The following GRIA3 variants were observed in gnomAD, a reference collection of about 807,000 sequenced individuals.
GRIA3 encodes the protein glutamate receptor 3.
A neutral mutation model predicts 63.0 loss-of-function variants in GRIA3; 3 were observed. The observed-to-expected ratio is 0.05, with a 90% CI of 0.02 to 0.12. The LOEUF is 0.12. GRIA3 is among the 10% of genes least tolerant of loss of function. The pLI, the probability that GRIA3 is intolerant of heterozygous loss-of-function variation, is 1.00. For missense variants in GRIA3, 347 were observed against 700.9 expected (o/e 0.50, Z 5.70); for synonymous variants, 274 against 257.9 (o/e 1.06, Z -0.60).
chrX:123,220,377 C>T lies in GRIA3; in HGVS notation c.269-32926C>T, dbSNP rs1321622611. On this transcript the variant is annotated intron_variant, in intron 2 of 15. Transcript: ENST00000620443. ...CATATATAGATAGCTTGAAGAATTG[C>T]CTCTGAAGGGTGTTAATGAACATAG... 2.7e-5 allele frequency among the ~76,000 whole-genome samples: 3 copies of T among 112,139 alleles called. No homozygotes were observed. The Admixed American group carries it at 2.8e-4, about 11-fold the overall frequency.
At chrX:123,253,769 T>A in intron 3 of GRIA3, 1 of 383,930 alleles carries the variant, frequency 2.6e-6, no homozygotes. Context: ...CAGTTTGGAA[T>A]ACCTCTTGAT....
chrX:123,299,998 T>A (rs144455884), intron 3 of GRIA3, among the ~76,000 whole-genome samples: 43 of 112,073 alleles, frequency 3.8e-4, no homozygotes, highest in Middle Eastern at 4.6e-3. Context: ...ATGGTTTTTG[T>A]CTTTAATTCT....
intron 12 of GRIA3, among the ~76,000 whole-genome samples, chrX:123,430,799 A>G (rs1254827840): frequency 1.8e-5 from 2 of 110,719 alleles, no homozygotes; most frequent in African/African-American, 6.6e-5. Context: ...CCTGGTCAAC[A>G]CGGTAAAACC....
intron 12 of GRIA3, among the ~76,000 whole-genome samples, chrX:123,459,192 G>A (rs1343429469): frequency 1.8e-5 from 2 of 111,543 alleles, no homozygotes; most frequent in African/African-American, 6.5e-5. Context: ...GATAATTTAT[G>A]TACTTAGCAA....
intron 2 of GRIA3, among the ~76,000 whole-genome samples, chrX:123,236,224 CTCTT>C (rs2044301142): frequency 9.0e-6 from 1 of 111,544 alleles, no homozygotes; most frequent in African/African-American, 3.3e-5. Flanking sequence ...GGAGCTGGGA[CTCTT>C]TCTTAAACAC....
chrX:123,197,289 A>C (rs189935438), intron 2 of GRIA3, among the ~76,000 whole-genome samples: 1 of 111,929 alleles, frequency 8.9e-6, no homozygotes, highest in Non-Finnish European at 1.9e-5. Flanking sequence ...ACTTTGGGAG[A>C]CCAAGGCCGG....
At position 123,381,852 on chromosome X, in the gene GRIA3, C is replaced by T. The variant is rs1293546412; in HGVS notation, c.751-13116C>T. On this transcript the variant is annotated intron_variant, in intron 5 of 15. Transcript: ENST00000620443. ...CAACAAACTCCTGTCTTTAGCTTGA[C>T]AATTTTCCTTATATCCACCTGTCTA... Among the ~76,000 whole-genome samples the T allele has an allele frequency of 5.3e-5, 6 of 112,202 alleles. No homozygotes were observed. The Admixed American group carries it at 5.7e-4, about 11-fold the overall frequency.
At chrX:123,193,600 G>A (rs1039314392) in intron 2 of GRIA3, among the ~76,000 whole-genome samples, 3 of 111,763 alleles carry the variant, frequency 2.7e-5, no homozygotes, top group African/African-American at 6.5e-5. Context: ...ACTGCTCCAG[G>A]GAAGCCATTA....
At chrX:123,246,854 T>A (rs1440832503) in intron 2 of GRIA3, among the ~76,000 whole-genome samples, 1 of 99,886 alleles carries the variant, frequency 1.0e-5, no homozygotes, top group African/African-American at 3.6e-5. Flanking sequence ...AGAGTAGAAA[T>A]TATATAGAGA....
At chrX:123,200,417 G>A (rs1412331335) in intron 2 of GRIA3, among the ~76,000 whole-genome samples, 1 of 109,685 alleles carries the variant, frequency 9.1e-6, no homozygotes, top group South Asian at 3.9e-4. Context: ...GGAAGCATTT[G>A]TCCAGACTCT....
intron 3 of GRIA3, among the ~76,000 whole-genome samples, chrX:123,309,270 C>T (rs5958226): frequency 0.47 from 50,376 of 107,758 alleles, 9,414 homozygotes; most frequent in Middle Eastern, 0.64. Context: ...GCCTGTAGTC[C>T]CGAGAGGTGG....
At chrX:123,476,959 C>T (rs2045890004) in intron 13 of GRIA3, among the ~76,000 whole-genome samples, 1 of 111,834 alleles carries the variant, frequency 8.9e-6, no homozygotes. Flanking sequence ...AAGTAACCTA[C>T]ACTGTAATGG....
intron 4 of GRIA3, among the ~76,000 whole-genome samples, chrX:123,334,280 A>G (rs538010135): frequency 2.2e-4 from 24 of 111,586 alleles, no homozygotes; most frequent in African/African-American, 7.2e-4. Flanking sequence ...AACTTGTTCT[A>G]TAAATGCAAA....
chrX:123,381,143 G>A (rs765803754), intron 5 of GRIA3, among the ~76,000 whole-genome samples: 2 of 111,570 alleles, frequency 1.8e-5, no homozygotes, highest in African/African-American at 6.5e-5. Flanking sequence ...TTATGTTAGT[G>A]TCTTTAGGGA....
intron 2 of GRIA3, among the ~76,000 whole-genome samples, chrX:123,229,858 T>C (rs1265822388): frequency 9.0e-6 from 1 of 111,722 alleles, no homozygotes; most frequent in Non-Finnish European, 1.9e-5. Flanking sequence ...TGTAGAGGCC[T>C]AGCATGGTAT....
At chrX:123,272,807 A>G (rs2044531683) in intron 3 of GRIA3, among the ~76,000 whole-genome samples, 1 of 111,752 alleles carries the variant, frequency 8.9e-6, no homozygotes, top group Admixed American at 9.5e-5. Context: ...CATATTCATG[A>G]TCTGATAAAT....
At chrX:123,305,805 T>C (rs1374590806) in intron 3 of GRIA3, among the ~76,000 whole-genome samples, 1 of 112,353 alleles carries the variant, frequency 8.9e-6, no homozygotes, top group Non-Finnish European at 1.9e-5. Flanking sequence ...CAAGTGAGTT[T>C]AAGCATATTC....
intron 13 of GRIA3, among the ~76,000 whole-genome samples, chrX:123,466,649 C>G (rs759581454): frequency 8.9e-6 from 1 of 112,250 alleles, no homozygotes; most frequent in Admixed American, 9.4e-5. Context: ...AGCCGCGATA[C>G]AAAGTCATGG....
intron 2 of GRIA3, among the ~76,000 whole-genome samples, chrX:123,187,837 G>T (rs1452423362): frequency 9.0e-6 from 1 of 111,603 alleles, no homozygotes; most frequent in African/African-American, 3.3e-5. Flanking sequence ...AATGATTCTT[G>T]CCATGTGAAA....
Sources: gnomAD v4.1 joint callset for allele counts (sites outside exome capture counted in the v4.1 genomes callset) on GRCh38, gnomAD v4.1.1 for gene constraint, MANE v1.5 for transcripts, NCBI Gene and HGNC (gene_info 2026-07-23, HGNC 2026-07-21) for gene names.